Variants in SLC52A1 observed in about 807,000 individuals in gnomAD.
SLC52A1 encodes solute carrier family 52 member 1.
Under a neutral mutation model 23.2 loss-of-function variants are expected in SLC52A1, and 20 were observed. That is an observed-to-expected ratio of 0.86 (90% CI 0.61 to 1.25). The LOEUF (loss-of-function observed/expected upper bound fraction) is 1.25, where lower values mean the gene tolerates loss of function less well. Ranked by LOEUF, SLC52A1 falls within the 50% of genes most tolerant of loss-of-function variation. SLC52A1 has a pLI of 0.00. For synonymous variants in SLC52A1, 260 were observed against 256.6 expected, an observed-to-expected ratio of 1.01 and a Z score of -0.13; for missense variants, 528 against 557.0, an observed-to-expected ratio of 0.95 and a Z score of 0.52.
At chr17:5,040,921 G>A (rs927079792) in intron 1 of SLC52A1, among the ~76,000 whole-genome samples, 48 of 150,190 alleles carry the variant, frequency 3.2e-4, no homozygotes, top group Admixed American at 8.0e-4. Flanking sequence ...TCAACCTCCC[G>A]AGTAGGTGGG....
chr17:5,037,200 C>T (rs1021493929), upstream of SLC52A1, among the ~76,000 whole-genome samples: 1 of 152,058 alleles, frequency 6.6e-6, no homozygotes. Context: ...TTTCCTAACC[C>T]GTGAAAACTA....
chr17:5,034,628 C>A lies in SLC52A1; in HGVS notation c.-22G>T. On this transcript the variant is annotated 5_prime_UTR_variant, in exon 2 of 5. Transcript: ENST00000254853. ...CCATTCAGCCCAAAGCTGGACCCTCCAGGACAGGGCAAAGGTCACAGGCAG... is the reference window on the plus strand; with the variant it reads ...CCATTCAGCCCAAAGCTGGACCCTCAAGGACAGGGCAAAGGTCACAGGCAG... The A allele has an allele frequency of 1.2e-6, 2 of 1,613,490 alleles. No homozygotes were observed. The highest frequency in any genetic ancestry group is 1.7e-6 in the Non-Finnish European group (2 of 1,179,782).
Position 5,033,412 on chromosome 17 carries a change from C to T in SLC52A1, c.1011-28G>A, listed in dbSNP as rs199539010. On this transcript the variant is annotated intron_variant, in intron 3 of 4. Coordinates refer to ENST00000254853, the MANE Select transcript of SLC52A1 (RefSeq NM_017986.4). ...GTTGGGGATGAGCAGAGACTCAGGG[C>T]TGGCTGTTCTGGGACCTGGACCCCA... 9.7e-5 allele frequency: 156 copies of T among 1,613,502 alleles called. 1 individual carries two copies. In the East Asian group the frequency reaches 3.0e-3, roughly 31 times the overall value.
chr17:5,034,536 C>G lies in SLC52A1; in HGVS notation c.71G>C (p.Trp24Ser), dbSNP rs749065651. The G allele has an allele frequency of 1.2e-6, 2 of 1,614,220 alleles. No individual in the cohort carries two copies. Among genetic ancestry groups the G allele is most frequent in the Admixed American group, 1.7e-5 (1 of 60,020 alleles). ...CACCCAGATCCCGTTCACAGCAGCC[C>G]AGGAGCCCATGCCAAAAAGGGCCAC... ...LLVALFGMGS[W>S]AAVNGIWVEL... Residue 24 changes from tryptophan to serine, a missense_variant, in exon 2 of 5, where the codon TGG (tryptophan) becomes TCG (serine). Trp to Ser is a radical substitution (Grantham distance 177). Coordinates refer to ENST00000254853, the MANE Select transcript of SLC52A1 (RefSeq NM_017986.4).
chr17:5,040,031 G>T (rs1421413805), upstream of SLC52A1, among the ~76,000 whole-genome samples: 3 of 152,158 alleles, frequency 2.0e-5, no homozygotes, highest in African/African-American at 7.2e-5. Context: ...TGTGCCTGGG[G>T]TGGTTGTGAT....
chr17:5,035,827 C>A (rs1282022834), upstream of SLC52A1, among the ~76,000 whole-genome samples: 3 of 151,606 alleles, frequency 2.0e-5, no homozygotes, highest in Non-Finnish European at 4.4e-5. Context: ...TCCCCACCCC[C>A]CCACAAGTAG....
rs747322542 is a variant in SLC52A1, at chr17:5,034,138, C to T, written c.351G>A (p.Leu117=). The T allele has an allele frequency of 3.1e-6, 5 of 1,614,084 alleles. No homozygotes were observed. The highest frequency in any genetic ancestry group is 1.7e-5 in the Admixed American group (1 of 60,002). Residue 117 remains leucine (L), a synonymous_variant, in exon 3 of 5, where the codon CTG becomes CTA. Transcript: ENST00000254853. ...GQLHSVAFLT[L]ALVLAMACCT... is the part of the protein sequence containing the mutation. ...AACAGGCCATTGCCAACACCAAGGC[C>T]AGAGTTAGGAAGGCCACAGAGTGGA...
upstream of SLC52A1, among the ~76,000 whole-genome samples, chr17:5,039,788 T>C (rs1975523495): frequency 6.6e-6 from 1 of 152,138 alleles, no homozygotes; most frequent in Non-Finnish European, 1.5e-5. Flanking sequence ...TGACAATGTA[T>C]AGACAATAGT....
chr17:5,034,492 T>C lies in SLC52A1; in HGVS notation c.115A>G (p.Lys39Glu). The C allele has an allele frequency of 6.2e-7, 1 of 1,614,156 alleles. No individual in the cohort carries two copies. The highest frequency in any genetic ancestry group is 8.5e-7 in the Non-Finnish European group (1 of 1,180,014). ...GIWVELPVVV[K>E]DLPEGWSLPS... is the part of the protein sequence containing the mutation. ...TCCCACTCACCCTCTGGAAGGTCTTTTACCACCACAGGCAGCTCCACCCAG... is the reference window on the plus strand; with the variant it reads ...TCCCACTCACCCTCTGGAAGGTCTTCTACCACCACAGGCAGCTCCACCCAG... The change falls in exon 2 of 5, where the codon AAA becomes GAA. Residue 39 changes from lysine to glutamate, a missense_variant. Transcript: ENST00000254853.
upstream of SLC52A1, among the ~76,000 whole-genome samples, chr17:5,037,962 A>G (rs1233865191): frequency 8.5e-6 from 1 of 118,038 alleles, no homozygotes; most frequent in East Asian, 2.4e-4. Flanking sequence ...TGTGTCGCCC[A>G]GGCTGGAGTG....
At position 5,033,053 on chromosome 17, in the gene SLC52A1, C is replaced by G. The variant is rs772508773; in HGVS notation, c.1251G>C (p.Val417=). ...TGGCACCGGCACCAAGCAGGGAGCC[C>G]ACTTGGATGGCCACACCAGCTGCCA... ...ALLAAGVAIQ[V]GSLLGAGAMF... Residue 417 remains valine (V), a synonymous_variant, in exon 5 of 5, where the codon GTG becomes GTC. Coordinates refer to ENST00000254853, the MANE Select transcript of SLC52A1 (RefSeq NM_017986.4). 1 of 1,613,624 alleles carries G rather than the reference C, an allele frequency of 6.2e-7. No homozygotes were observed. The highest frequency in any genetic ancestry group is 2.2e-5 in the East Asian group (1 of 44,890).
intron 1 of SLC52A1, 44 bp downstream of exon 1, chr17:5,034,817 A>G (rs1975420303): frequency 1.5e-5 from 5 of 330,856 alleles, no homozygotes; most frequent in South Asian, 2.8e-5. Flanking sequence ...CTGGAGGGAG[A>G]GGTGGCCGGG....
upstream of SLC52A1, among the ~76,000 whole-genome samples, chr17:5,038,236 A>G (rs1199078100): frequency 6.6e-6 from 1 of 151,816 alleles, no homozygotes; most frequent in African/African-American, 2.4e-5. Flanking sequence ...CTGTGTTTCA[A>G]AAAACACAAG....
Position 5,033,012 on chromosome 17 carries a change from C to G in SLC52A1, c.1292G>C (p.Ser431Thr), listed in dbSNP as rs1313841143. The change falls in exon 5 of 5, where the codon AGC becomes ACC. Residue 431 changes from serine to threonine, a missense_variant. Transcript: ENST00000254853. Reference sequence around the variant, plus strand: ...TCTGCTTTGAAACACGTGGTAGATGCTGGTGGGAGGGAACATGGCACCGGC... The same window carrying G: ...TCTGCTTTGAAACACGTGGTAGATGGTGGTGGGAGGGAACATGGCACCGGC... ...LGAGAMFPPT[S>T]IYHVFQSRKD... 4.3e-6 allele frequency: 7 copies of G among 1,613,816 alleles called. No homozygotes were observed. Among genetic ancestry groups the G allele is most frequent in the Non-Finnish European group, 5.9e-6 (7 of 1,180,012 alleles).
upstream of SLC52A1, among the ~76,000 whole-genome samples, chr17:5,038,895 C>A (rs1334344334): frequency 6.6e-6 from 1 of 152,074 alleles, no homozygotes; most frequent in Non-Finnish European, 1.5e-5. Context: ...GCCTATCCAA[C>A]ACTTTTCTTG....
Position 5,033,902 on chromosome 17 carries a change from A to G in SLC52A1, c.587T>C (p.Phe196Ser). ...CAGAAGGGCAGTCAGTGCCCAGAAG[A>G]AGGTGCTGGCAGGAAAACGCTCAGG... is the stretch of plus-strand genomic sequence containing the variant. ...DFPERFPAST[F>S]FWALTALLVT... The change falls in exon 3 of 5, where the codon TTC (phenylalanine) becomes TCC (serine). Residue 196 changes from phenylalanine (F) to serine (S), a missense_variant. Physicochemically the swap from Phe to Ser is radical, Grantham distance 155. Coordinates refer to ENST00000254853, the MANE Select transcript of SLC52A1 (RefSeq NM_017986.4). The G allele has an allele frequency of 1.2e-6, 2 of 1,613,864 alleles. 1 individual carries two copies. Among genetic ancestry groups the G allele is most frequent in the South Asian group, 2.2e-5 (2 of 91,084 alleles).
upstream of SLC52A1, among the ~76,000 whole-genome samples, chr17:5,039,503 C>T (rs1473949395): frequency 6.6e-6 from 1 of 152,070 alleles, no homozygotes; most frequent in East Asian, 1.9e-4. Flanking sequence ...GACAATTTCT[C>T]ACTCTGCCAC....
upstream of SLC52A1, among the ~76,000 whole-genome samples, chr17:5,038,870 G>A (rs868163444): frequency 6.6e-6 from 1 of 152,238 alleles, no homozygotes; most frequent in Middle Eastern, 3.4e-3. Flanking sequence ...TTACAGGCGT[G>A]AGCCACCGCG....
At chr17:5,037,090 AATGAGCC>A (rs1251594337), upstream of SLC52A1, among the ~76,000 whole-genome samples, 2 of 152,170 alleles carry the variant, frequency 1.3e-5, no homozygotes, top group African/African-American at 4.8e-5. Flanking sequence ...TCAAGGCTGC[AATGAGCC>A]ATGATTGTGC....
Sources: allele counts gnomAD v4.1 joint callset (sites outside exome capture counted in the v4.1 genomes callset), GRCh38; gene constraint gnomAD v4.1.1; transcripts MANE v1.5; gene names NCBI Gene and HGNC (gene_info 2026-07-23, HGNC 2026-07-21).